Variants in AGBL1 observed in about 807,000 individuals in gnomAD.
AGBL1 encodes cytosolic carboxypeptidase 4.
In AGBL1, 130 loss-of-function variants were observed where a neutral mutation model predicts 118.9. The ratio of observed to expected loss-of-function variants is 1.09; its 90% CI spans 0.95 to 1.26. The LOEUF is 1.26. Among genes scored for constraint, AGBL1 ranks in the 50% most tolerant of loss-of-function variants. The pLI, the probability that AGBL1 is intolerant of heterozygous loss-of-function variation, is 0.00. For synonymous variants in AGBL1, 555 were observed against 478.9 expected (o/e 1.16, Z -2.08); for missense variants, 1,584 against 1,298.1 (o/e 1.22, Z -3.38).
At chr15:86,987,194 A>T (rs531496322) in intron 23 of AGBL1, among the ~76,000 whole-genome samples, 1 of 152,204 alleles carries the variant, frequency 6.6e-6, no homozygotes, top group Non-Finnish European at 1.5e-5. Flanking sequence ...ACTTCAGGCC[A>T]TCTGGATGTA....
intron 21 of AGBL1, among the ~76,000 whole-genome samples, chr15:86,609,587 A>G (rs1336061258): frequency 6.6e-6 from 1 of 152,170 alleles, no homozygotes; most frequent in Non-Finnish European, 1.5e-5. Context: ...GAACTCAATC[A>G]TAGGACACAT....
intron 21 of AGBL1, among the ~76,000 whole-genome samples, chr15:86,573,856 C>T (rs1224133151): frequency 6.6e-6 from 1 of 152,146 alleles, no homozygotes; most frequent in African/African-American, 2.4e-5. Context: ...AAATAGGGCC[C>T]ATCTTAATTA....
intron 23 of AGBL1, among the ~76,000 whole-genome samples, chr15:86,966,491 A>G (rs905422336): frequency 2.6e-5 from 4 of 151,980 alleles, no homozygotes; most frequent in Admixed American, 2.0e-4. Flanking sequence ...CCACCCCACC[A>G]CAGGCCCTAG....
intron 21 of AGBL1, among the ~76,000 whole-genome samples, chr15:86,559,109 C>T (rs375038835): frequency 6.6e-6 from 1 of 152,146 alleles, no homozygotes; most frequent in African/African-American, 2.4e-5. Context: ...CCTTCTCTAC[C>T]TGTGAACCTC....
chr15:86,572,008 C>T (rs1299756354), intron 21 of AGBL1, among the ~76,000 whole-genome samples: 2 of 152,200 alleles, frequency 1.3e-5, no homozygotes, highest in East Asian at 1.9e-4. Context: ...TGCACAAAGT[C>T]CTGAGGGGGC....
intron 18 of AGBL1, among the ~76,000 whole-genome samples, chr15:86,496,133 T>TG (rs1436377239): frequency 1.3e-5 from 2 of 152,008 alleles, no homozygotes; most frequent in African/African-American, 4.8e-5. Context: ...GATTGGATCA[T>TG]GGGGGCGGTT....
intron 22 of AGBL1, among the ~76,000 whole-genome samples, chr15:86,723,511 G>C (rs956894916): frequency 3.3e-5 from 5 of 152,124 alleles, no homozygotes; most frequent in African/African-American, 1.2e-4. Flanking sequence ...ATTGTGGAGT[G>C]GGGTGAGGGG....
intron 5 of AGBL1, among the ~76,000 whole-genome samples, chr15:86,194,701 T>C (rs1373237670): frequency 6.6e-6 from 1 of 152,158 alleles, no homozygotes; most frequent in East Asian, 1.9e-4. Context: ...GGGTAGTTAG[T>C]ATAAGAGGGA....
chr15:86,504,349 A>T (rs1024752824), intron 18 of AGBL1, among the ~76,000 whole-genome samples: 2 of 151,474 alleles, frequency 1.3e-5, no homozygotes, highest in East Asian at 1.9e-4. Flanking sequence ...GGAACACTTT[A>T]AAAAAATCCA....
chr15:86,332,751 A>C (rs2080294293), intron 17 of AGBL1, among the ~76,000 whole-genome samples: 1 of 152,060 alleles, frequency 6.6e-6, no homozygotes, highest in Non-Finnish European at 1.5e-5. Context: ...CAGAATATAC[A>C]TTATTCTCAT....
intron 21 of AGBL1, among the ~76,000 whole-genome samples, chr15:86,570,626 G>C (rs1028306057): frequency 6.6e-6 from 1 of 152,164 alleles, no homozygotes. Context: ...GAGAAACCTA[G>C]GTCAAATCCA....
intron 22 of AGBL1, among the ~76,000 whole-genome samples, chr15:86,699,091 C>G (rs557542337): frequency 6.6e-6 from 1 of 151,820 alleles, no homozygotes; most frequent in East Asian, 1.9e-4. Flanking sequence ...AGGTAACATG[C>G]CTTTCATATT....
chr15:86,417,351 G>A (rs529745209), intron 18 of AGBL1, among the ~76,000 whole-genome samples: 33 of 152,244 alleles, frequency 2.2e-4, no homozygotes, highest in African/African-American at 7.5e-4. Flanking sequence ...TCCACAGTAA[G>A]AATCTGTAGT....
chr15:86,999,782 G>C (rs1366321068), intron 24 of AGBL1, among the ~76,000 whole-genome samples: 1 of 143,832 alleles, frequency 7.0e-6, no homozygotes, highest in African/African-American at 2.7e-5. Context: ...TCCAGTTCTA[G>C]ATCCCTGAGG....
chr15:86,255,648 A>G (rs1225458290), intron 7 of AGBL1, among the ~76,000 whole-genome samples: 2 of 152,142 alleles, frequency 1.3e-5, no homozygotes, highest in Non-Finnish European at 2.9e-5. Flanking sequence ...CTGGTGTTGT[A>G]GCAGGCATCT....
At chr15:86,105,253 C>T (rs1445527365) in intron 1 of AGBL1, 6 of 152,180 alleles carry the variant, frequency 3.9e-5, no homozygotes, top group African/African-American at 1.2e-4. Context: ...AGTCTTTCTG[C>T]TCTTCAATCA....
chr15:86,203,288 A>G (rs2077937065), intron 5 of AGBL1, among the ~76,000 whole-genome samples: 1 of 152,182 alleles, frequency 6.6e-6, no homozygotes, highest in South Asian at 2.1e-4. Flanking sequence ...CTTGATAGCA[A>G]TTTTAAAATG....
rs1312897166 is a variant in AGBL1, at chr15:86,912,423, T to A, written c.*5129T>A. 1 of 152,166 alleles carries A rather than the reference T, an allele frequency of 6.6e-6. No individual in the cohort carries two copies. Among genetic ancestry groups the A allele is most frequent in the Non-Finnish European group, 1.5e-5 (1 of 68,040 alleles). 9.4% of individuals were successfully genotyped at this position (152,166 alleles called of 1,614,324 possible). On this transcript the variant is annotated 3_prime_UTR_variant, in exon 23 of 23. Transcript: ENST00000614907. ...AGAACTGTCTGTGCAGCTCCATGGA[T>A]ATCATGCCAACTTGGCTGCCTGGGC...
intron 18 of AGBL1, among the ~76,000 whole-genome samples, chr15:86,398,074 T>TGA (rs761810666): frequency 5.3e-5 from 8 of 152,334 alleles, no homozygotes; most frequent in South Asian, 2.1e-4. Flanking sequence ...CAATTAGCTC[T>TGA]GATAGGACAC....
Sources: gnomAD v4.1 joint callset for allele counts (sites outside exome capture counted in the v4.1 genomes callset) on GRCh38, gnomAD v4.1.1 for gene constraint, MANE v1.5 for transcripts, NCBI Gene and HGNC (gene_info 2026-07-23, HGNC 2026-07-21) for gene names.